The following TALDO1 variants were observed in gnomAD, a reference collection of about 807,000 sequenced individuals.
The protein encoded by TALDO1 is transaldolase.
In TALDO1, 29 loss-of-function variants were observed where a neutral mutation model predicts 38.1. The ratio of observed to expected loss-of-function variants is 0.76; its 90% CI spans 0.57 to 1.04. TALDO1 has a LOEUF of 1.04. Among genes scored for constraint, TALDO1 ranks in the 50% least tolerant of loss-of-function variants. The pLI is 0.00. For synonymous variants in TALDO1, 207 were observed against 176.8 expected (o/e 1.17, Z -1.36); for missense variants, 499 against 438.1 (o/e 1.14, Z -1.24).
rs1435397068 is a variant in TALDO1 at position 763,284 on chromosome 11, CCCCGCCCTCACCTGT to C, written c.462-56_462-42del. 9.2e-5 allele frequency: 33 copies of C among 358,656 alleles called. No homozygotes were observed. In the African/African-American group the frequency reaches 1.0e-3, roughly 11 times the overall value. 22.2% of individuals were successfully genotyped at this position (358,656 alleles called of 1,614,324 possible). The stretch of plus-strand genomic sequence containing the variant: ...CCTCACCGTCCCCGCCCTCACCCGC[CCCCGCCCTCACCTGT>C]CCCCGCCCTCACCTGCCCCGCCCTC... On this transcript the variant is annotated intron_variant, in intron 4 of 7. Coordinates refer to ENST00000319006, the MANE Select transcript of TALDO1 (RefSeq NM_006755.2).
chr11:764,719 C>G (rs1863019483), intron 7 of TALDO1, 94 bp from the exon 8 acceptor site: 1 of 1,595,188 alleles, frequency 6.3e-7, no homozygotes, highest in African/African-American at 1.3e-5. Flanking sequence ...GCAGACCCCA[C>G]AAGGGCCTCC....
intron 2 of TALDO1, 33 bp from the exon 3 acceptor site, chr11:758,917 T>G (rs1564992414): frequency 1.9e-6 from 3 of 1,584,678 alleles, no homozygotes; most frequent in Non-Finnish European, 2.6e-6. Flanking sequence ...CCTCAGAAGC[T>G]TCTAACCTGC....
intron 2 of TALDO1, among the ~76,000 whole-genome samples, chr11:756,847 C>A (rs1862846661): frequency 6.6e-6 from 1 of 152,146 alleles, no homozygotes; most frequent in African/African-American, 2.4e-5. Context: ...TTTATAACTC[C>A]CAGAATGTTC....
Position 763,740 on chromosome 11 carries a change from T to C in TALDO1, c.638-7T>C, listed in dbSNP as rs768939268. ...GCCTTCCTGGTCACAGCTTGGTCTC[T>C]TTCCAGGGGTAAAGAGTGTCACTAA... On this transcript the variant is annotated splice_region_variant and splice_polypyrimidine_tract_variant and intron_variant, in intron 5 of 7. Transcript: ENST00000319006. 1.9e-6 allele frequency: 3 copies of C among 1,613,870 alleles called. No individual in the cohort carries two copies. Among genetic ancestry groups the C allele is most frequent in the Admixed American group, 3.3e-5 (2 of 60,002 alleles).
At chr11:762,515 T>A (rs1324166180) in intron 4 of TALDO1, among the ~76,000 whole-genome samples, 8 of 152,254 alleles carry the variant, frequency 5.3e-5, no homozygotes, top group Non-Finnish European at 7.3e-5. Context: ...CTCGTGGGCA[T>A]ATGCCTAGGA....
In TALDO1 at chr11:760,182, G is replaced by A. The variant is rs780992347; in HGVS notation, c.390G>A (p.Lys130=). The A allele has an allele frequency of 8.7e-6, 14 of 1,614,088 alleles. No homozygotes were observed. The highest frequency in any genetic ancestry group is 1.2e-5 in the Non-Finnish European group (14 of 1,180,046). The change falls in exon 4 of 8, where the codon AAG becomes AAA. Residue 130 remains lysine (K), a synonymous_variant. Coordinates refer to ENST00000319006, the MANE Select transcript of TALDO1 (RefSeq NM_006755.2). ...CCAGGCGGCTCATCGAGCTCTACAA[G>A]GAAGCTGGGATCAGCAAGGACCGAA... ...ARARRLIELY[K]EAGISKDRIL...
chr11:747,957 GCCTCGCCCTCCGC>G (rs1277277033), intron 1 of TALDO1, among the ~76,000 whole-genome samples: 1 of 152,224 alleles, frequency 6.6e-6, no homozygotes, highest in Non-Finnish European at 1.5e-5. Flanking sequence ...CGGAGCCCCA[GCCTCGCCCTCCGC>G]CCAGGGTGGG....
At chr11:752,917 C>T (rs1468455709) in intron 1 of TALDO1, among the ~76,000 whole-genome samples, 2 of 152,170 alleles carry the variant, frequency 1.3e-5, no homozygotes, top group Non-Finnish European at 1.5e-5. Flanking sequence ...AAGCCTTCAA[C>T]CTGTGGGATC....
chr11:755,135 CTTTTTTTTT>C lies in TALDO1; in HGVS notation c.98-725_98-717del, dbSNP rs71022966. On this transcript the variant is annotated intron_variant, in intron 1 of 7. Coordinates refer to ENST00000319006, the MANE Select transcript of TALDO1 (RefSeq NM_006755.2). ...TGTCCTGAGTGCTTTTCCCCTTGGC[CTTTTTTTTT>C]TTTTTTTTTTTTTTTTTTGAGATGG... 1.7e-4 allele frequency among the ~76,000 whole-genome samples: 10 copies of C among 59,650 alleles called. No individual in the cohort carries two copies. The East Asian group carries it at 3.7e-3, about 22-fold the overall frequency. 39.1% of individuals were successfully genotyped at this position (59,650 alleles called of 152,430 possible). A position where few individuals can be genotyped will look rare whatever the true frequency, so the allele number is the denominator to read the frequency against.
intron 4 of TALDO1, among the ~76,000 whole-genome samples, chr11:762,608 C>CCCGTGTGG (rs1205450774): frequency 6.6e-6 from 1 of 152,252 alleles, no homozygotes; most frequent in Non-Finnish European, 1.5e-5. Flanking sequence ...CTCGAACACC[C>CCCGTGTGG]CCGTGTGGCC....
At chr11:757,384 C>T (rs1052086350) in intron 2 of TALDO1, among the ~76,000 whole-genome samples, 1 of 151,552 alleles carries the variant, frequency 6.6e-6, no homozygotes, top group African/African-American at 2.4e-5. Context: ...CCTCTACATC[C>T]TAGGCTCAAG....
intron 1 of TALDO1, among the ~76,000 whole-genome samples, chr11:755,539 G>A (rs946180276): frequency 7.9e-5 from 12 of 152,230 alleles, no homozygotes; most frequent in Non-Finnish European, 1.8e-4. Context: ...TAGACCGCGC[G>A]CCTCCTTGTG....
At chr11:749,028 A>G (rs1300092601) in intron 1 of TALDO1, among the ~76,000 whole-genome samples, 1 of 152,152 alleles carries the variant, frequency 6.6e-6, no homozygotes, top group Non-Finnish European at 1.5e-5. Context: ...GTGCAGGGCC[A>G]ATAAAGATGG....
intron 4 of TALDO1, among the ~76,000 whole-genome samples, chr11:763,066 C>T (rs534615555): frequency 1.3e-5 from 2 of 152,090 alleles, no homozygotes; most frequent in East Asian, 3.9e-4. Flanking sequence ...CACTTAGAGC[C>T]CTCGAGTCTT....
Position 752,842 on chromosome 11 carries a change from G to T in TALDO1, c.98-3037G>T, listed in dbSNP as rs975296977. On this transcript the variant is annotated intron_variant, in intron 1 of 7. Transcript: ENST00000319006. ...AGTTGACAACCCCAAGTTGAAGCCA[G>T]TGGATCAGAAGTTCTGGAGCCCAGA... Among the ~76,000 whole-genome samples the T allele has an allele frequency of 5.9e-5, 9 of 152,222 alleles. No individual in the cohort carries two copies. In the East Asian group the frequency reaches 1.7e-3, roughly 29 times the overall value.
In TALDO1 at chr11:755,952, T is replaced by G; in HGVS notation, c.171T>G (p.Ala57=). 6.2e-7 allele frequency: 1 copy of G among 1,614,062 alleles called. No homozygotes were observed. The highest frequency in any genetic ancestry group is 8.5e-7 in the Non-Finnish European group (1 of 1,179,996). The stretch of plus-strand genomic sequence containing the variant: ...TCCTGGCCGCAGCACAGATGCCCGC[T>G]TACCAGGAGCTGGTGGAGGAGGCGA... ...SLILAAAQMP[A]YQELVEEAIA... Residue 57 remains alanine (A), a synonymous_variant, in exon 2 of 8, where the codon GCT becomes GCG. Coordinates refer to ENST00000319006, the MANE Select transcript of TALDO1 (RefSeq NM_006755.2).
chr11:764,822 T>G lies in TALDO1; in HGVS notation c.991T>G (p.Phe331Val), dbSNP rs771194946. The G allele has an allele frequency of 7.4e-6, 12 of 1,614,166 alleles. No homozygotes were observed. The highest frequency in any genetic ancestry group is 1.0e-5 in the Non-Finnish European group (12 of 1,180,034). The change falls in exon 8 of 8, where the codon TTC (phenylalanine) becomes GTC (valine). Residue 331 changes from phenylalanine (F) to valine (V), a missense_variant. Physicochemically the swap from Phe to Val is conservative, Grantham distance 50. Transcript: ENST00000319006. The stretch of plus-strand genomic sequence containing the variant: ...CTCTGTTTGTTTCTAGGAACGAATG[T>G]TCAATGCAGAGAATGGAAAGTAGCG... ...KLERMLTERM[F>V]NAENGK is the part of the protein sequence containing the mutation.
chr11:754,040 A>G (rs1190508543), intron 1 of TALDO1, among the ~76,000 whole-genome samples: 1 of 151,416 alleles, frequency 6.6e-6, no homozygotes, highest in Non-Finnish European at 1.5e-5. Flanking sequence ...GCTGTAGTGC[A>G]GTGGCACAAT....
intron 7 of TALDO1, 146 bp from the exon 8 acceptor site, chr11:764,667 T>G (rs545249844): frequency 7.2e-7 from 1 of 1,395,244 alleles, no homozygotes; most frequent in African/African-American, 1.4e-5. Context: ...GTGTGGTGAC[T>G]GTGGTATTGG....
Sources: allele counts gnomAD v4.1 joint callset (sites outside exome capture counted in the v4.1 genomes callset), GRCh38; gene constraint gnomAD v4.1.1; transcripts MANE v1.5; gene names NCBI Gene and HGNC (gene_info 2026-07-23, HGNC 2026-07-21).